The following SEC13 variants were observed in gnomAD, a reference collection of about 807,000 sequenced individuals.
SEC13 encodes SEC13 homolog, nuclear pore and COPII component, also known as protein SEC13 homolog.
A neutral mutation model predicts 49.2 loss-of-function variants in SEC13; 25 were observed. That is an observed-to-expected ratio of 0.51 (90% CI 0.37 to 0.71). The LOEUF (loss-of-function observed/expected upper bound fraction) is 0.71. Among genes scored for constraint, SEC13 ranks in the 30% least tolerant of loss-of-function variants. The pLI is 0.00. For synonymous variants in SEC13, 148 were observed against 163.9 expected (o/e 0.90, Z 0.74); for missense variants, 383 against 417.6 (o/e 0.92, Z 0.72).
At chr3:10,301,586 G>C (rs1574857209) in intron 8 of SEC13, among the ~76,000 whole-genome samples, 1 of 152,240 alleles carries the variant, frequency 6.6e-6, no homozygotes, top group East Asian at 1.9e-4. Flanking sequence ...AGCTGTGGAT[G>C]ATGATGTCAA....
chr3:10,321,040 C>T lies in SEC13; in HGVS notation c.3+10G>A. 1 of 1,613,244 alleles carries T rather than the reference C, an allele frequency of 6.2e-7. No homozygotes were observed. Among genetic ancestry groups the T allele is most frequent in the East Asian group, 2.2e-5 (1 of 44,820 alleles). On this transcript the variant is annotated intron_variant, in intron 1 of 8. Transcript: ENST00000350697. This position sits in a 1 kb window ranked among gnomAD's most constrained non-coding sequence, Gnocchi z 4.1. ...TCACCCTGCTAGGCCTCCTCAGTAC[C>T]AACACTCACCATGATTGCGGCGGTG...
At chr3:10,303,656 ATCT>A (rs1314990118) in intron 8 of SEC13, 3 of 299,408 alleles carry the variant, frequency 1.0e-5, no homozygotes, top group South Asian at 3.6e-5. Context: ...AATATCCCCA[ATCT>A]TCTTCTGTTT....
Position 10,301,520 on chromosome 3 carries a change from C to A in SEC13, c.856-146G>T, listed in dbSNP as rs78073220. 1.3e-4 allele frequency: 128 copies of A among 1,013,986 alleles called. No individual in the cohort carries two copies. The East Asian group carries it at 3.0e-3, about 24-fold the overall frequency. 62.8% of individuals were successfully genotyped at this position (1,013,986 alleles called of 1,614,324 possible). On this transcript the variant is annotated intron_variant, in intron 8 of 8. Coordinates refer to ENST00000350697, the MANE Select transcript of SEC13 (RefSeq NM_183352.3). ...TGTCCCTCCTCCACTGAAATCTCACCAAAATGAGAGTCCAGGAATAAAAAC... is the reference window on the plus strand; with the variant it reads ...TGTCCCTCCTCCACTGAAATCTCACAAAAATGAGAGTCCAGGAATAAAAAC...
chr3:10,313,030 T>C (rs1022177461), intron 3 of SEC13: 4 of 354,602 alleles, frequency 1.1e-5, no homozygotes, highest in Non-Finnish European at 2.1e-5. Context: ...CAGCACTGTC[T>C]GTATGTGCTG....
At position 10,302,890 on chromosome 3, in the gene SEC13, C is replaced by T. The variant is rs564790652; in HGVS notation, c.855+1136G>A. The stretch of plus-strand genomic sequence containing the variant: ...AAGGAATTCTGACACATGCTACGTA[C>T]AGCATGGAGGAACCTTAAGGGCATA... On this transcript the variant is annotated intron_variant, in intron 8 of 8. Coordinates refer to ENST00000350697, the MANE Select transcript of SEC13 (RefSeq NM_183352.3). 2.0e-5 allele frequency among the ~76,000 whole-genome samples: 3 copies of T among 152,324 alleles called. No homozygotes were observed. The South Asian group carries it at 6.2e-4, about 32-fold the overall frequency.
intron 1 of SEC13, chr3:10,319,167 C>T (rs758436610): frequency 6.2e-7 from 1 of 1,612,736 alleles, no homozygotes; most frequent in Admixed American, 1.7e-5. Flanking sequence ...TTTTCCAGCA[C>T]AAGCCCTGTA....
At position 10,319,446 on chromosome 3, in the gene SEC13, A is replaced by C. The variant is rs1375453382; in HGVS notation, c.4-1352T>G. 3 of 556,930 alleles carry C rather than the reference A, an allele frequency of 5.4e-6. No homozygotes were observed. In the Admixed American group the frequency reaches 1.2e-4, roughly 22 times the overall value. The allele number at this position is 556,930 out of a possible 1,614,324, so 34.5% of individuals were successfully genotyped here. ...TCAATCAGAGACCTGCGACAGACTAAGGAAATGAAGAAGCCCAGAGAAGAG... is the reference window on the plus strand; with the variant it reads ...TCAATCAGAGACCTGCGACAGACTACGGAAATGAAGAAGCCCAGAGAAGAG... On this transcript the variant is annotated intron_variant, in intron 1 of 8. Transcript: ENST00000350697.
chr3:10,304,800 G>A (rs1030007337), intron 7 of SEC13, among the ~76,000 whole-genome samples: 10 of 152,152 alleles, frequency 6.6e-5, no homozygotes, highest in Non-Finnish European at 1.2e-4. Context: ...TCCCGAATCC[G>A]CCTCCTTCTT....
chr3:10,307,282 C>T (rs1700939892), intron 5 of SEC13, among the ~76,000 whole-genome samples: 1 of 147,126 alleles, frequency 6.8e-6, no homozygotes, highest in African/African-American at 2.5e-5. Context: ...GATTTTGACT[C>T]ACTGCAACCT....
chr3:10,302,863 G>T (rs1355075186), intron 8 of SEC13, among the ~76,000 whole-genome samples: 1 of 152,192 alleles, frequency 6.6e-6, no homozygotes, highest in Admixed American at 6.5e-5. Flanking sequence ...GCTTTACAAA[G>T]GAAGGAATTC....
intron 2 of SEC13, among the ~76,000 whole-genome samples, chr3:10,316,732 A>G (rs1235904497): frequency 2.0e-5 from 3 of 152,180 alleles, no homozygotes; most frequent in Non-Finnish European, 4.4e-5. Context: ...TATTGAATGA[A>G]AACTCACGCC....
At chr3:10,311,421 C>T (rs1701245693) in intron 5 of SEC13, among the ~76,000 whole-genome samples, 1 of 152,116 alleles carries the variant, frequency 6.6e-6, no homozygotes, top group African/African-American at 2.4e-5. Flanking sequence ...CATATGAGCC[C>T]CCCACATTGG....
At position 10,312,694 on chromosome 3, in the gene SEC13, G is replaced by A. The variant is rs1217147600; in HGVS notation, c.201C>T (p.His67=). 6.2e-7 allele frequency: 1 copy of A among 1,614,214 alleles called. No homozygotes were observed. The highest frequency in any genetic ancestry group is 8.5e-7 in the Non-Finnish European group (1 of 1,180,042). Residue 67 remains histidine (H), a synonymous_variant, in exon 4 of 9, where the codon CAC becomes CAT. Coordinates refer to ENST00000350697, the MANE Select transcript of SEC13 (RefSeq NM_183352.3). ...ATGCCAGGATGTTGCCGTACATGGG[G>A]TGAGCCCAGGCCACTTGCCACACAG... ...EGPVWQVAWA[H]PMYGNILASC...
At chr3:10,318,805 C>G (rs920683536) in intron 1 of SEC13, among the ~76,000 whole-genome samples, 5 of 152,216 alleles carry the variant, frequency 3.3e-5, no homozygotes, top group Admixed American at 2.0e-4. Flanking sequence ...GGCCATCCAT[C>G]ACCTTTCTTG....
chr3:10,311,587 C>T, intron 5 of SEC13: 7 of 974,350 alleles, frequency 7.2e-6, no homozygotes, highest in Non-Finnish European at 8.6e-6. Context: ...TTATATTAAT[C>T]TTTCTTAAAT....
At chr3:10,305,889 T>C (rs1285029000) in intron 5 of SEC13, 197 bp from the exon 6 acceptor site, 8 of 485,626 alleles carry the variant, frequency 1.6e-5, no homozygotes, top group African/African-American at 3.8e-5. Context: ...TTCTGCAGTG[T>C]GCGCTAAAAG....
intron 3 of SEC13, among the ~76,000 whole-genome samples, chr3:10,314,232 A>T (rs1291132522): frequency 6.6e-6 from 1 of 152,108 alleles, no homozygotes; most frequent in East Asian, 1.9e-4. Context: ...CTCCCACCTC[A>T]GCCTCCCAAA....
chr3:10,314,498 C>T (rs1033537775), intron 3 of SEC13, among the ~76,000 whole-genome samples: 2 of 152,228 alleles, frequency 1.3e-5, no homozygotes, highest in African/African-American at 4.8e-5. Context: ...ACTACAAATA[C>T]TACTGAAGTT....
intron 8 of SEC13, among the ~76,000 whole-genome samples, chr3:10,302,643 G>A (rs1700606822): frequency 6.6e-6 from 1 of 152,176 alleles, no homozygotes; most frequent in African/African-American, 2.4e-5. Flanking sequence ...GCTTTGAGAG[G>A]GGGCCTGCTA....
Sources: allele counts gnomAD v4.1 joint callset (sites outside exome capture counted in the v4.1 genomes callset), GRCh38; gene constraint gnomAD v4.1.1; non-coding constraint Gnocchi (gnomAD v3.1); transcripts MANE v1.5; gene names NCBI Gene and HGNC (gene_info 2026-07-23, HGNC 2026-07-21).